Variants in NCAM2 observed in about 807,000 individuals in gnomAD.
The protein encoded by NCAM2 is neural cell adhesion molecule 2.
Under a neutral mutation model 98.1 loss-of-function variants are expected in NCAM2, and 30 were observed. The observed-to-expected ratio is 0.31, with a 90% CI of 0.23 to 0.41. The LOEUF is 0.41. Ranked by LOEUF, NCAM2 falls within the 10% of genes least tolerant of loss-of-function variation. NCAM2 has a pLI of 1.00. For missense variants in NCAM2, 867 were observed against 1,005.8 expected (o/e 0.86, Z 1.87); for synonymous variants, 368 against 342.4 (o/e 1.07, Z -0.83).
chr21:21,134,063 TC>T (rs1461528059), intron 1 of NCAM2, among the ~76,000 whole-genome samples: 3 of 68,384 alleles, frequency 4.4e-5, no homozygotes, highest in Non-Finnish European at 5.7e-5. Context: ...GCACTTCCTC[TC>T]TTTTTTTTTT....
At chr21:21,521,444 G>T (rs1989010493) in intron 16 of NCAM2, among the ~76,000 whole-genome samples, 1 of 152,146 alleles carries the variant, frequency 6.6e-6, no homozygotes, top group Non-Finnish European at 1.5e-5. Context: ...GGCAGCATTA[G>T]AACCAGATTT....
At chr21:21,398,489 C>T (rs895740945) in intron 9 of NCAM2, among the ~76,000 whole-genome samples, 1 of 152,048 alleles carries the variant, frequency 6.6e-6, no homozygotes, top group Non-Finnish European at 1.5e-5. Flanking sequence ...ACCGAAAGCA[C>T]AAAAGAGTTC....
intron 9 of NCAM2, among the ~76,000 whole-genome samples, chr21:21,382,480 G>T (rs192051): frequency 1 from 150,612 of 150,612 alleles, 75,306 homozygotes; most frequent in Non-Finnish European, 1. Context: ...GTTTCTGCTG[G>T]TGAGCCAATA....
chr21:21,208,878 C>A (rs1456529296), intron 1 of NCAM2, among the ~76,000 whole-genome samples: 4 of 151,942 alleles, frequency 2.6e-5, no homozygotes, highest in African/African-American at 9.7e-5. Flanking sequence ...ATATTTTCTT[C>A]TTTTTCTTTG....
At chr21:21,159,580 T>C (rs1338581800) in intron 1 of NCAM2, among the ~76,000 whole-genome samples, 2 of 152,204 alleles carry the variant, frequency 1.3e-5, no homozygotes, top group East Asian at 3.8e-4. Context: ...TATACTAACA[T>C]GCTATACGTG....
intron 16 of NCAM2, among the ~76,000 whole-genome samples, chr21:21,511,026 G>A (rs80099050): frequency 0.033 from 5,086 of 152,006 alleles, 207 homozygotes; most frequent in East Asian, 0.097. Context: ...TGCATATGGG[G>A]TATTTTGATA....
chr21:21,272,202 A>G (rs2072528272), intron 1 of NCAM2, among the ~76,000 whole-genome samples: 2 of 152,160 alleles, frequency 1.3e-5, no homozygotes, highest in African/African-American at 2.4e-5. Flanking sequence ...CATAGTCCAA[A>G]TCAATGCTGA....
chr21:21,392,178 A>G (rs1314161201), intron 9 of NCAM2, among the ~76,000 whole-genome samples: 1 of 152,126 alleles, frequency 6.6e-6, no homozygotes, highest in East Asian at 1.9e-4. Flanking sequence ...TTTAACTCCA[A>G]CTTATAAGTG....
chr21:21,425,739 AAAT>A (rs1459373841), intron 11 of NCAM2, among the ~76,000 whole-genome samples: 1 of 152,206 alleles, frequency 6.6e-6, no homozygotes, highest in Admixed American at 6.5e-5. Context: ...GAAAAAGTCT[AAAT>A]AATAATTTGG....
intron 1 of NCAM2, among the ~76,000 whole-genome samples, chr21:21,177,027 T>G (rs2068314026): frequency 2.0e-5 from 3 of 152,142 alleles, no homozygotes; most frequent in African/African-American, 7.2e-5. Context: ...TATAGTTACT[T>G]TATTGGATCA....
intron 8 of NCAM2, among the ~76,000 whole-genome samples, chr21:21,362,826 T>C (rs2075683111): frequency 6.6e-6 from 1 of 152,172 alleles, no homozygotes; most frequent in African/African-American, 2.4e-5. Context: ...ACTATGAATA[T>C]GTTTAGGTTA....
intron 1 of NCAM2, among the ~76,000 whole-genome samples, chr21:21,103,164 G>T (rs916226260): frequency 2.0e-5 from 3 of 151,978 alleles, no homozygotes; most frequent in East Asian, 1.9e-4. Flanking sequence ...ATTATTGGGG[G>T]TGAAATCTCC....
chr21:21,401,931 C>T (rs760478384), intron 9 of NCAM2, among the ~76,000 whole-genome samples: 11 of 152,180 alleles, frequency 7.2e-5, no homozygotes, highest in African/African-American at 1.2e-4. Context: ...ACATTTATCA[C>T]TTCCCTAATA....
At chr21:21,456,541 G>A (rs1982173480) in intron 12 of NCAM2, among the ~76,000 whole-genome samples, 1 of 152,190 alleles carries the variant, frequency 6.6e-6, no homozygotes, top group South Asian at 2.1e-4. Context: ...AAGACACTGT[G>A]TCCTCTAATA....
chr21:21,212,997 C>T (rs2147091410), intron 1 of NCAM2, among the ~76,000 whole-genome samples: 1 of 152,140 alleles, frequency 6.6e-6, no homozygotes, highest in South Asian at 2.1e-4. Flanking sequence ...GCCTTGGCCT[C>T]CTGAAGTGCT....
Position 21,253,340 on chromosome 21 carries a change from A to C in NCAM2, c.56-27238A>C, listed in dbSNP as rs371152144. 2.6e-5 allele frequency among the ~76,000 whole-genome samples: 4 copies of C among 152,162 alleles called. No homozygotes were observed. In the South Asian group the frequency reaches 6.2e-4, roughly 24 times the overall value. Reference sequence around the variant, plus strand: ...AGTTCCTCAGTAAGCACTACTTATTATGGTCTGAATGTTTGTCTTTTCCAA... The same window carrying C: ...AGTTCCTCAGTAAGCACTACTTATTCTGGTCTGAATGTTTGTCTTTTCCAA... On this transcript the variant is annotated intron_variant, in intron 1 of 17. Transcript: ENST00000400546.
rs116308805 is a variant in NCAM2, at chr21:21,041,988, C to T, written c.55+43370C>T. Among the ~76,000 whole-genome samples, 1,160 of 152,208 alleles carry T rather than the reference C, an allele frequency of 7.6e-3. 5 individuals are homozygous for T. The highest frequency in any genetic ancestry group is 0.027 in the African/African-American group (1,115 of 41,506). On this transcript the variant is annotated intron_variant, in intron 1 of 17. Transcript: ENST00000400546. ...AACCAATTTGTAACAGGTTGAATGACGATGCCAACTTTCGTTAATTTTAAG... is the reference window on the plus strand; with the variant it reads ...AACCAATTTGTAACAGGTTGAATGATGATGCCAACTTTCGTTAATTTTAAG...
chr21:21,502,720 T>C lies in NCAM2; in HGVS notation c.2078-6131T>C, dbSNP rs569319026. On this transcript the variant is annotated intron_variant, in intron 15 of 17. Coordinates refer to ENST00000400546, the MANE Select transcript of NCAM2 (RefSeq NM_004540.5). ...ATATCATCAACACCAATCAGAGTTA[T>C]TTAATGTCTTCTCTTTTCATATGCT... is the stretch of plus-strand genomic sequence containing the variant. 1.1e-4 allele frequency among the ~76,000 whole-genome samples: 16 copies of C among 152,092 alleles called. No homozygotes were observed. In the South Asian group the frequency reaches 3.1e-3, roughly 30 times the overall value.
rs1990207371 is a variant in NCAM2 at position 21,540,955 on chromosome 21, C to T, written c.*2998C>T. On this transcript the variant is annotated 3_prime_UTR_variant, in exon 18 of 18. Coordinates refer to ENST00000400546, the MANE Select transcript of NCAM2 (RefSeq NM_004540.5). The stretch of plus-strand genomic sequence containing the variant: ...TATTTATTATTTTTGTGGGCTAAGA[C>T]ATTGCCATTCTATTGATACTAATGT... 1 of 151,788 alleles carries T rather than the reference C, an allele frequency of 6.6e-6. No homozygotes were observed. The allele number at this position is 151,788 out of a possible 1,614,324, so 9.4% of individuals were successfully genotyped here. A position where few individuals can be genotyped will look rare whatever the true frequency, so the allele number is the denominator to read the frequency against.
Sources: allele counts gnomAD v4.1 joint callset (sites outside exome capture counted in the v4.1 genomes callset), GRCh38; gene constraint gnomAD v4.1.1; transcripts MANE v1.5; gene names NCBI Gene and HGNC (gene_info 2026-07-23, HGNC 2026-07-21).